The following CASZ1 variants were observed in gnomAD, a reference collection of about 807,000 sequenced individuals.
CASZ1 encodes zinc finger protein castor homolog 1.
In CASZ1, 28 loss-of-function variants were observed where a neutral mutation model predicts 135.2. That is an observed-to-expected ratio of 0.21 (90% CI 0.15 to 0.28). The LOEUF (loss-of-function observed/expected upper bound fraction) is 0.28, where lower values mean the gene tolerates loss of function less well. CASZ1 is among the 10% of genes least tolerant of loss of function. The probability of loss-of-function intolerance (pLI) is 1.00; values close to 1 mark genes in which losing one functional copy is unlikely to be tolerated. For synonymous variants in CASZ1, 1,068 were observed against 1,073.4 expected, an observed-to-expected ratio of 0.99 and a Z score of 0.10; for missense variants, 2,161 against 2,453.3, an observed-to-expected ratio of 0.88 and a Z score of 2.52.
At chr1:10,658,663 AG>A in intron 6 of CASZ1, 87 bp from the exon 7 acceptor site, 1 of 1,182,906 alleles carries the variant, frequency 8.5e-7, no homozygotes, top group Non-Finnish European at 1.3e-6. Context: ...CCCTGCCCTG[AG>A]GCCCCAGCCC....
rs1289339574 is a variant in CASZ1, at chr1:10,647,387, C to T, written c.3497+414G>A. 1.2e-5 allele frequency: 13 copies of T among 1,075,424 alleles called. No individual in the cohort carries two copies. The highest frequency in any genetic ancestry group is 6.7e-5 in the African/African-American group (4 of 59,312). The allele number at this position is 1,075,424 out of a possible 1,614,324, so 66.6% of individuals were successfully genotyped here. A position where few individuals can be genotyped will look rare whatever the true frequency, so the allele number is the denominator to read the frequency against. ...GGCCTGGAGGGGCCTGGCCCCTACC[C>T]GTGACTTCACGTGCCCTGCAGAGAT... On this transcript the variant is annotated intron_variant, in intron 16 of 20. Coordinates refer to ENST00000377022, the MANE Select transcript of CASZ1 (RefSeq NM_001079843.3). The surrounding 1 kb of genome is among the most constrained non-coding windows in gnomAD (Gnocchi z 4.9).
At chr1:10,680,774 T>C (rs1638390723) in intron 4 of CASZ1, among the ~76,000 whole-genome samples, 1 of 152,118 alleles carries the variant, frequency 6.6e-6, no homozygotes, top group African/African-American at 2.4e-5. Flanking sequence ...TACCAATGAG[T>C]CACCAGCAAC....
rs991016562 is a variant in CASZ1 at position 10,697,174 on chromosome 1, G to A, written c.-23-3262C>T. The stretch of plus-strand genomic sequence containing the variant: ...AGGATTTATGAAGGTCAGAGAAGGC[G>A]GCGGAGGCTTCGAGGTTGTGGGGTA... On this transcript the variant is annotated intron_variant, in intron 3 of 20. Coordinates refer to ENST00000377022, the MANE Select transcript of CASZ1 (RefSeq NM_001079843.3). The surrounding 1 kb of genome is among the most constrained non-coding windows in gnomAD (Gnocchi z 4.7). Among the ~76,000 whole-genome samples the A allele has an allele frequency of 9.9e-5, 15 of 152,232 alleles. No homozygotes were observed. Among genetic ancestry groups the A allele is most frequent in the African/African-American group, 3.1e-4 (13 of 41,450 alleles).
intron 4 of CASZ1, among the ~76,000 whole-genome samples, chr1:10,667,823 A>G (rs2100302543): frequency 7.1e-6 from 1 of 141,588 alleles, no homozygotes; most frequent in African/African-American, 2.7e-5. Context: ...CCCATCCTGG[A>G]GCCTCCCCGC....
rs284322 is a variant in CASZ1, at chr1:10,665,441, G to A, written c.147C>T (p.Asp49=). 254,433 of 1,610,932 alleles carry A rather than the reference G, an allele frequency of 0.16. 21,058 individuals carry two copies. The highest frequency in any genetic ancestry group is 0.2 in the African/African-American group (14,892 of 75,026). ...SRQVVVEKRA[D]AGSHTEGSPS... is the part of the protein sequence containing the mutation. ...GGCTGCCCTCCGTGTGGGAGCCGGC[G>A]TCAGCTCGCTTCTCCACCACCACCT... The change falls in exon 5 of 21, where the codon GAC becomes GAT. Residue 49 remains aspartate, a synonymous_variant. Transcript: ENST00000377022.
rs772777444 is a variant in CASZ1 at position 10,646,178 on chromosome 1, C to T, written c.3646G>A (p.Val1216Met). 3 of 1,614,176 alleles carry T rather than the reference C, an allele frequency of 1.9e-6. No individual in the cohort carries two copies. The highest frequency in any genetic ancestry group is 2.5e-6 in the Non-Finnish European group (3 of 1,180,042). ...HINPNNNLVN[V>M]RDQFAYYSLQ... is the part of the protein sequence containing the mutation. The stretch of plus-strand genomic sequence containing the variant: ...GAGTAGTATGCAAACTGGTCTCGCA[C>T]GTTCACCAGGTTGTTGTTGGGGTTG... Residue 1216 changes from valine (V) to methionine (M), a missense_variant, in exon 17 of 21, where the codon GTG becomes ATG. Transcript: ENST00000377022. The surrounding 1 kb of genome is among the most constrained non-coding windows in gnomAD (Gnocchi z 6.4).
chr1:10,762,553 C>A lies in CASZ1; in HGVS notation c.-233-1696G>T, dbSNP rs1027739403. On this transcript the variant is annotated intron_variant, in intron 1 of 20. Coordinates refer to ENST00000377022, the MANE Select transcript of CASZ1 (RefSeq NM_001079843.3). The surrounding 1 kb of genome is among the most constrained non-coding windows in gnomAD (Gnocchi z 4.1). ...AAGCCCTGGGCAGCCCGTCCACCCA[C>A]AAAACTCCCCTGGGCTAGAAGAAGG... Among the ~76,000 whole-genome samples the A allele has an allele frequency of 1.3e-5, 2 of 152,132 alleles. No homozygotes were observed. The highest frequency in any genetic ancestry group is 2.9e-5 in the Non-Finnish European group (2 of 68,034).
intron 2 of CASZ1, among the ~76,000 whole-genome samples, chr1:10,746,496 C>G (rs753682947): frequency 6.6e-6 from 1 of 152,216 alleles, no homozygotes; most frequent in East Asian, 1.9e-4. Context: ...GGAGTCTGCG[C>G]GGGATCCCTT....
At chr1:10,737,522 G>A (rs908577176) in intron 2 of CASZ1, among the ~76,000 whole-genome samples, 1 of 152,240 alleles carries the variant, frequency 6.6e-6, no homozygotes. Context: ...ACCCACCAGC[G>A]AGCACAATCT....
At chr1:10,736,134 C>T (rs1285180852) in intron 2 of CASZ1, among the ~76,000 whole-genome samples, 1 of 152,166 alleles carries the variant, frequency 6.6e-6, no homozygotes, top group Non-Finnish European at 1.5e-5. Context: ...CATTTCTGGG[C>T]CCTGCCACCC....
chr1:10,713,930 C>T (rs58810407), intron 2 of CASZ1, among the ~76,000 whole-genome samples: 2,164 of 152,328 alleles, frequency 0.014, 19 homozygotes, highest in African/African-American at 0.026. Context: ...CCCAAGGTTA[C>T]GCCTTCAACT....
Position 10,697,926 on chromosome 1 carries a change from G to A in CASZ1, c.-23-4014C>T, listed in dbSNP as rs191900369. Among the ~76,000 whole-genome samples the A allele has an allele frequency of 5.3e-5, 8 of 152,346 alleles. No homozygotes were observed. The South Asian group carries it at 6.2e-4, about 12-fold the overall frequency. Reference sequence around the variant, plus strand: ...CCGGGGCCGATGGAGGGAGGGTGTCGGGAAAGCTGTGAGCCAGCGAAGTGG... The same window carrying A: ...CCGGGGCCGATGGAGGGAGGGTGTCAGGAAAGCTGTGAGCCAGCGAAGTGG... On this transcript the variant is annotated intron_variant, in intron 3 of 20. Coordinates refer to ENST00000377022, the MANE Select transcript of CASZ1 (RefSeq NM_001079843.3). This position sits in a 1 kb window ranked among gnomAD's most constrained non-coding sequence, Gnocchi z 4.7.
chr1:10,707,457 A>C lies in CASZ1; in HGVS notation c.-76-1913T>G, dbSNP rs1375370591. ...CACTTCATTAAGTCAAAATGTGACA[A>C]GAAGCTTAGAGAGCAACTTGCAGAT... On this transcript the variant is annotated intron_variant, in intron 2 of 20. Transcript: ENST00000377022. The surrounding 1 kb of genome is among the most constrained non-coding windows in gnomAD (Gnocchi z 5.0). Among the ~76,000 whole-genome samples the C allele has an allele frequency of 6.6e-6, 1 of 152,202 alleles. No individual in the cohort carries two copies. The highest frequency in any genetic ancestry group is 2.4e-5 in the African/African-American group (1 of 41,452).
rs201085072 is a variant in CASZ1, at chr1:10,711,585, CA to C, written c.-76-6042del. ...CCAGAAAAAATGGAAAACAGGTACT[CA>C]AAAAAAAAAAAAAAAGAAAAACAAA... On this transcript the variant is annotated intron_variant, in intron 2 of 20. Coordinates refer to ENST00000377022, the MANE Select transcript of CASZ1 (RefSeq NM_001079843.3). The surrounding 1 kb of genome is among the most constrained non-coding windows in gnomAD (Gnocchi z 4.4). Among the ~76,000 whole-genome samples, 19,251 of 97,432 alleles carry C rather than the reference CA, an allele frequency of 0.2. 2,068 individuals carry two copies. The highest frequency in any genetic ancestry group is 0.37 in the African/African-American group (11,618 of 31,550). The allele number at this position is 97,432 out of a possible 152,430, so 63.9% of individuals were successfully genotyped here.
rs1642956085 is a variant in CASZ1, at chr1:10,659,919, T to C, written c.1123A>G (p.Lys375Glu). The change falls in exon 6 of 21, where the codon AAG becomes GAG. Residue 375 changes from lysine (K) to glutamate (E), a missense_variant. By Grantham distance (56) the Lys-to-Glu change is moderately conservative. Around this residue, in one of 7 missense-constraint regions of CASZ1, gnomAD observed 590 missense variants for 609.8 expected, o/e 0.97. Transcript: ENST00000377022. The part of the protein sequence containing the change: ...FKTGKVGRPS[K>E]YDVRGIQKPG... Reference sequence around the variant, plus strand: ...TTCTGGATGCCCCGGACGTCGTACTTGGAAGGGCGCCCCACCTTGCCTGTC... The same window carrying C: ...TTCTGGATGCCCCGGACGTCGTACTCGGAAGGGCGCCCCACCTTGCCTGTC... The C allele has an allele frequency of 6.2e-7, 1 of 1,611,932 alleles. No homozygotes were observed. Among genetic ancestry groups the C allele is most frequent in the Non-Finnish European group, 8.5e-7 (1 of 1,179,672 alleles).
Position 10,717,707 on chromosome 1 carries a change from A to G in CASZ1, c.-76-12163T>C, listed in dbSNP as rs1034603848. Among the ~76,000 whole-genome samples, 7 of 151,820 alleles carry G rather than the reference A, an allele frequency of 4.6e-5. No homozygotes were observed. In the East Asian group the frequency reaches 7.8e-4, roughly 17 times the overall value. On this transcript the variant is annotated intron_variant, in intron 2 of 20. Coordinates refer to ENST00000377022, the MANE Select transcript of CASZ1 (RefSeq NM_001079843.3). This position sits in a 1 kb window ranked among gnomAD's most constrained non-coding sequence, Gnocchi z 4.6. Reference sequence around the variant, plus strand: ...GAAAACCCTTGCCAATTCCCCCCCAACTGATGTCAGAGCTGCCGGCACCCT... The same window carrying G: ...GAAAACCCTTGCCAATTCCCCCCCAGCTGATGTCAGAGCTGCCGGCACCCT...
intron 4 of CASZ1, among the ~76,000 whole-genome samples, chr1:10,675,594 C>T (rs1366041842): frequency 1.3e-5 from 2 of 152,118 alleles, no homozygotes; most frequent in East Asian, 3.9e-4. Context: ...GGTGCCAGGT[C>T]CCCCGACACT....
intron 4 of CASZ1, among the ~76,000 whole-genome samples, chr1:10,680,045 TC>T (rs1638361459): frequency 6.6e-6 from 1 of 152,046 alleles, no homozygotes; most frequent in Admixed American, 6.5e-5. Flanking sequence ...CCAGGCCAGC[TC>T]CTGCAGAAAG....
At chr1:10,640,725 A>G (rs1407364186) in intron 20 of CASZ1, among the ~76,000 whole-genome samples, 1 of 152,172 alleles carries the variant, frequency 6.6e-6, no homozygotes, top group African/African-American at 2.4e-5. Context: ...AGGGAGCTCA[A>G]TGCCTCTGCC....
Sources: gnomAD v4.1 joint callset for allele counts (sites outside exome capture counted in the v4.1 genomes callset) on GRCh38, gnomAD v4.1.1 for gene constraint, gnomAD v4.1.1 regional missense constraint, Gnocchi (gnomAD v3.1) non-coding constraint, MANE v1.5 for transcripts, NCBI Gene and HGNC (gene_info 2026-07-23, HGNC 2026-07-21) for gene names.